Variants in RNF168 observed in about 807,000 individuals in gnomAD.
The protein encoded by RNF168 is E3 ubiquitin-protein ligase RNF168.
In RNF168, 34 loss-of-function variants were observed where a neutral mutation model predicts 34.9. The observed-to-expected ratio is 0.97, with a 90% CI of 0.74 to 1.30. RNF168 has a LOEUF of 1.30. RNF168 is among the 50% of genes most tolerant of loss of function. The pLI, the probability that RNF168 is intolerant of heterozygous loss-of-function variation, is 0.00. For synonymous variants in RNF168, 264 were observed against 254.7 expected (o/e 1.04, Z -0.35); for missense variants, 725 against 682.5 (o/e 1.06, Z -0.69).
chr3:196,493,643 A>G (rs949083642), intron 1 of RNF168, among the ~76,000 whole-genome samples: 2 of 152,128 alleles, frequency 1.3e-5, no homozygotes, highest in Non-Finnish European at 2.9e-5. Context: ...CTCCTGCCTC[A>G]GCCTCCTGAG....
intron 4 of RNF168, among the ~76,000 whole-genome samples, chr3:196,476,185 A>G (rs1386284517): frequency 6.6e-6 from 1 of 152,068 alleles, no homozygotes; most frequent in African/African-American, 2.4e-5. Context: ...TCTTGAAAAA[A>G]GCTTAAAAAA....
chr3:196,502,161 G>A (rs1732909086), intron 1 of RNF168, among the ~76,000 whole-genome samples: 1 of 151,384 alleles, frequency 6.6e-6, no homozygotes, highest in African/African-American at 2.4e-5. Flanking sequence ...TCACATTAGT[G>A]GAGGAAAGAG....
At chr3:196,477,987 G>A (rs1346998683) in intron 4 of RNF168, among the ~76,000 whole-genome samples, 1 of 152,220 alleles carries the variant, frequency 6.6e-6, no homozygotes, top group Non-Finnish European at 1.5e-5. Flanking sequence ...TGAAGGCTGA[G>A]GTGGGAGGAT....
rs535690717 is a variant in RNF168, at chr3:196,472,592, T to C, written c.943A>G (p.Lys315Glu). The change falls in exon 6 of 6, where the codon AAA (lysine) becomes GAA (glutamate). Residue 315 changes from lysine (K) to glutamate (E), a missense_variant. Coordinates refer to ENST00000318037, the MANE Select transcript of RNF168 (RefSeq NM_152617.4). Reference protein sequence around the residue: ...GAEWYHEGNVKTRPSNHGKEL... With the variant: ...GAEWYHEGNVETRPSNHGKEL... ...TTCCCATGATTGCTTGGTCTTGTTT[T>C]GACGTTTCCTTCATGGTACCATTCG... The C allele has an allele frequency of 6.2e-7, 1 of 1,614,208 alleles. No homozygotes were observed. The highest frequency in any genetic ancestry group is 8.5e-7 in the Non-Finnish European group (1 of 1,180,024).
intron 1 of RNF168, among the ~76,000 whole-genome samples, chr3:196,494,400 G>C (rs1171124125): frequency 6.6e-6 from 1 of 152,154 alleles, no homozygotes; most frequent in Admixed American, 6.5e-5. Context: ...ATGTCCCCAT[G>C]CTTTTTATTT....
intron 1 of RNF168, among the ~76,000 whole-genome samples, chr3:196,493,226 G>A (rs905360213): frequency 6.6e-6 from 1 of 152,176 alleles, no homozygotes; most frequent in Non-Finnish European, 1.5e-5. Flanking sequence ...ACAGCAAGCA[G>A]AGAGCTGAAC....
Position 196,487,436 on chromosome 3 carries a change from C to T in RNF168, c.521G>A (p.Ser174Asn), listed in dbSNP as rs369634729. The T allele has an allele frequency of 6.2e-6, 10 of 1,614,108 alleles. No homozygotes were observed. Among genetic ancestry groups the T allele is most frequent in the Middle Eastern group, 1.6e-4 (1 of 6,084 alleles). The change falls in exon 3 of 6, where the codon AGT becomes AAT. Residue 174 changes from serine to asparagine, a missense_variant. Coordinates refer to ENST00000318037, the MANE Select transcript of RNF168 (RefSeq NM_152617.4). ...TAGCTTTCTTGCCAGTTCCTCATCA[C>T]TTTTCAGTTGTTCTTCCATCGCTCT... ...RRRAMEEQLK[S>N]DEELARKLSI...
intron 1 of RNF168, 107 bp downstream of exon 1, chr3:196,502,766 C>G: frequency 1.1e-6 from 1 of 936,388 alleles, no homozygotes; most frequent in Non-Finnish European, 1.7e-6. Context: ...TAGACAAATA[C>G]TAGTCGGGTT....
chr3:196,480,565 G>C (rs1732262844), intron 4 of RNF168, among the ~76,000 whole-genome samples: 1 of 152,208 alleles, frequency 6.6e-6, no homozygotes, highest in South Asian at 2.1e-4. Flanking sequence ...GAGGAGATCT[G>C]ACCATTTTGT....
intron 1 of RNF168, among the ~76,000 whole-genome samples, chr3:196,489,509 T>G (rs1160848970): frequency 6.6e-6 from 1 of 152,004 alleles, no homozygotes; most frequent in Non-Finnish European, 1.5e-5. Flanking sequence ...GTATTTTTAA[T>G]ACAGACCGGT....
In RNF168 at chr3:196,503,015, GAAGGGACAGC is replaced by G; in HGVS notation, c.149_158del (p.Cys50SerfsTer27). 1.2e-6 allele frequency: 2 copies of G among 1,614,166 alleles called. No homozygotes were observed. The highest frequency in any genetic ancestry group is 8.5e-7 in the Non-Finnish European group (1 of 1,180,034). On this transcript the variant is annotated frameshift_variant, in exon 1 of 6. Transcript: ENST00000318037. LOFTEE classifies it high-confidence loss of function. ...TCCACGACGATACCCGGCGGCGACA[GAAGGGACAGC>G]ATAAACTCGCCTTTTCGACGGTCGA...
intron 1 of RNF168, among the ~76,000 whole-genome samples, chr3:196,494,306 G>A (rs1178464052): frequency 2.6e-5 from 4 of 152,084 alleles, no homozygotes; most frequent in Admixed American, 2.0e-4. Context: ...AACCCACTTC[G>A]GTTAAACATT....
At chr3:196,499,912 A>T (rs1019076829) in intron 1 of RNF168, among the ~76,000 whole-genome samples, 3 of 152,228 alleles carry the variant, frequency 2.0e-5, no homozygotes, top group Non-Finnish European at 4.4e-5. Context: ...GATGCTCGCC[A>T]TCCTTAGTCA....
rs779329211 is a variant in RNF168, at chr3:196,472,515, C to A, written c.1020G>T (p.Ser340=). 1.9e-6 allele frequency: 3 copies of A among 1,614,244 alleles called. No individual in the cohort carries two copies. Among genetic ancestry groups the A allele is most frequent in the Non-Finnish European group, 2.5e-6 (3 of 1,180,042 alleles). The part of the protein sequence containing the change: ...HERPKTRVPY[S]KETAVMPCGR... ...CACAAGGCATAACTGCAGTTTCTTT[C>A]GAGTAGGGAACTCTGGTTTTAGGTC... The change falls in exon 6 of 6, where the codon TCG becomes TCT. Residue 340 remains serine (S), a synonymous_variant. Transcript: ENST00000318037.
At chr3:196,478,255 C>G (rs187485409) in intron 4 of RNF168, among the ~76,000 whole-genome samples, 118 of 152,032 alleles carry the variant, frequency 7.8e-4, no homozygotes, top group African/African-American at 2.8e-3. Context: ...ATTTTAAGTT[C>G]AGCCCAAAGA....
chr3:196,482,342 T>C (rs1239314212), intron 4 of RNF168, among the ~76,000 whole-genome samples: 1 of 152,236 alleles, frequency 6.6e-6, no homozygotes, highest in East Asian at 1.9e-4. Flanking sequence ...GTTTACCCAT[T>C]CATTTGTTAA....
chr3:196,483,861 A>G lies in RNF168; in HGVS notation c.589T>C (p.Ser197Pro), dbSNP rs763222486. ...TCAGATTTTCTGGAATTCAAGGGAGAAGCCGAGATACTTCCCTCACAGAAA... is the reference window on the plus strand; with the variant it reads ...TCAGATTTTCTGGAATTCAAGGGAGGAGCCGAGATACTTCCCTCACAGAAA... ...NNFCEGSISA[S>P]PLNSRKSDPV... The change falls in exon 4 of 6, where the codon TCT (serine) becomes CCT (proline). Residue 197 changes from serine (S) to proline (P), a missense_variant. Coordinates refer to ENST00000318037, the MANE Select transcript of RNF168 (RefSeq NM_152617.4). The G allele has an allele frequency of 1.9e-6, 3 of 1,609,650 alleles. No individual in the cohort carries two copies. The highest frequency in any genetic ancestry group is 2.6e-6 in the Non-Finnish European group (3 of 1,176,058).
intron 2 of RNF168, among the ~76,000 whole-genome samples, chr3:196,487,788 C>T (rs143366066): frequency 6.6e-6 from 1 of 152,242 alleles, no homozygotes; most frequent in Non-Finnish European, 1.5e-5. Context: ...TGTGAGCCTC[C>T]ACACCTAGCC....
At chr3:196,477,964 G>A (rs905297648) in intron 4 of RNF168, among the ~76,000 whole-genome samples, 3 of 151,782 alleles carry the variant, frequency 2.0e-5, no homozygotes, top group African/African-American at 7.3e-5. Flanking sequence ...TGTGCCTATA[G>A]TCCCAGCTAC....
Sources: gnomAD v4.1 joint callset for allele counts (sites outside exome capture counted in the v4.1 genomes callset) on GRCh38, gnomAD v4.1.1 for gene constraint, MANE v1.5 for transcripts, NCBI Gene and HGNC (gene_info 2026-07-23, HGNC 2026-07-21) for gene names.